The following EFCAB11 variants were observed in gnomAD, a reference collection of about 807,000 sequenced individuals.
The protein encoded by EFCAB11 is EF-hand calcium binding domain 11, also known as EF-hand calcium-binding domain-containing protein 11.
Under a neutral mutation model 23.0 loss-of-function variants are expected in EFCAB11, and 14 were observed. The ratio of observed to expected loss-of-function variants is 0.61; its 90% CI spans 0.40 to 0.95. The LOEUF (loss-of-function observed/expected upper bound fraction) is 0.95, where lower values mean the gene tolerates loss of function less well. EFCAB11 is among the 40% of genes least tolerant of loss of function. The probability of loss-of-function intolerance (pLI) is 0.00; values close to 1 mark genes in which losing one functional copy is unlikely to be tolerated. For missense variants in EFCAB11, 198 were observed against 195.8 expected, an observed-to-expected ratio of 1.01 and a Z score of -0.07; for synonymous variants, 65 against 66.6, an observed-to-expected ratio of 0.98 and a Z score of 0.11.
At chr14:89,844,810 G>C (rs528568652) in intron 5 of EFCAB11, among the ~76,000 whole-genome samples, 1 of 152,306 alleles carries the variant, frequency 6.6e-6, no homozygotes, top group South Asian at 2.1e-4. Flanking sequence ...CTGGGACTTG[G>C]CTTTGGGTAT....
At chr14:89,922,014 T>C (rs551304783) in intron 5 of EFCAB11, among the ~76,000 whole-genome samples, 44 of 152,332 alleles carry the variant, frequency 2.9e-4, no homozygotes, top group African/African-American at 9.9e-4. Flanking sequence ...AATACATTCA[T>C]GATGTGTGGC....
At chr14:89,930,403 C>G (rs1459189932) in intron 5 of EFCAB11, among the ~76,000 whole-genome samples, 1 of 152,214 alleles carries the variant, frequency 6.6e-6, no homozygotes, top group Admixed American at 6.5e-5. Context: ...GTATCAGAAC[C>G]TCTATTCGTG....
intron 5 of EFCAB11, among the ~76,000 whole-genome samples, chr14:89,864,032 C>A (rs558901857): frequency 6.6e-6 from 1 of 152,152 alleles, no homozygotes; most frequent in Non-Finnish European, 1.5e-5. Flanking sequence ...TAAAATTATT[C>A]TAATATAACC....
intron 5 of EFCAB11, among the ~76,000 whole-genome samples, chr14:89,819,068 C>T (rs1886425484): frequency 6.6e-6 from 1 of 152,186 alleles, no homozygotes; most frequent in South Asian, 2.1e-4. Context: ...CAGACTTGCA[C>T]ACCAATGTTC....
At chr14:89,945,917 T>A (rs907591873) in intron 3 of EFCAB11, among the ~76,000 whole-genome samples, 4 of 147,866 alleles carry the variant, frequency 2.7e-5, no homozygotes, top group Non-Finnish European at 4.4e-5. Context: ...AGGGGATTTT[T>A]TTTTTTTATT....
intron 5 of EFCAB11, among the ~76,000 whole-genome samples, chr14:89,812,419 C>G (rs1397894504): frequency 6.6e-6 from 1 of 152,198 alleles, no homozygotes; most frequent in Non-Finnish European, 1.5e-5. Flanking sequence ...CAATTTTCAT[C>G]AAAACCCCAA....
chr14:89,937,284 T>C (rs1890619810), intron 3 of EFCAB11, among the ~76,000 whole-genome samples: 2 of 152,150 alleles, frequency 1.3e-5, no homozygotes, highest in African/African-American at 4.8e-5. Flanking sequence ...GTAGAGGAGA[T>C]GAAGGAAGAA....
intron 2 of EFCAB11, chr14:89,952,616 T>C: frequency 1.0e-6 from 1 of 985,358 alleles, no homozygotes. Context: ...GCAACCTACT[T>C]GGGTCAAGAG....
intron 5 of EFCAB11, among the ~76,000 whole-genome samples, chr14:89,877,913 G>A (rs1888489071): frequency 6.6e-6 from 1 of 152,208 alleles, no homozygotes; most frequent in Admixed American, 6.5e-5. Flanking sequence ...CTGATTGGCA[G>A]AAGCACTGTG....
chr14:89,902,541 T>C (rs1014029953), intron 5 of EFCAB11, among the ~76,000 whole-genome samples: 4 of 152,158 alleles, frequency 2.6e-5, no homozygotes, highest in Non-Finnish European at 4.4e-5. Context: ...GCCAGCCCAA[T>C]TTAAAATCCT....
At chr14:89,937,144 T>C (rs1890615260) in intron 3 of EFCAB11, among the ~76,000 whole-genome samples, 1 of 152,362 alleles carries the variant, frequency 6.6e-6, no homozygotes, top group South Asian at 2.1e-4. Flanking sequence ...TCTGTGTTTA[T>C]TATTAATATG....
At position 89,795,083 on chromosome 14, in the gene EFCAB11, T is replaced by C. The variant is rs1277601650; in HGVS notation, c.*2160A>G. 6.7e-6 allele frequency: 1 copy of C among 149,840 alleles called. No individual in the cohort carries two copies. Among genetic ancestry groups the C allele is most frequent in the Non-Finnish European group, 1.5e-5 (1 of 67,614 alleles). The allele number at this position is 149,840 out of a possible 1,614,324, so 9.3% of individuals were successfully genotyped here. ...AGCTCTGCCTCCCAGGTTCATGCTA[T>C]TCTCCTGCCTCAGCCTCCCGAGCAG... On this transcript the variant is annotated 3_prime_UTR_variant, in exon 6 of 6. Coordinates refer to ENST00000316738, the MANE Select transcript of EFCAB11 (RefSeq NM_145231.4).
chr14:89,904,446 G>A (rs1480002885), intron 5 of EFCAB11, among the ~76,000 whole-genome samples: 1 of 152,182 alleles, frequency 6.6e-6, no homozygotes, highest in Non-Finnish European at 1.5e-5. Flanking sequence ...ACGTGTGCAT[G>A]TGTTTTTATC....
chr14:89,903,773 T>C (rs1889408097), intron 5 of EFCAB11, among the ~76,000 whole-genome samples: 3 of 152,164 alleles, frequency 2.0e-5, no homozygotes, highest in Admixed American at 2.0e-4. Flanking sequence ...GATCACTTCT[T>C]AGAAGTGCAG....
chr14:89,838,549 T>C (rs1180214228), intron 5 of EFCAB11, among the ~76,000 whole-genome samples: 2 of 150,024 alleles, frequency 1.3e-5, no homozygotes, highest in Non-Finnish European at 3.0e-5. Flanking sequence ...GGAGAGAAAA[T>C]ATTTAATGCT....
At chr14:89,885,396 C>A (rs1888722175) in intron 5 of EFCAB11, among the ~76,000 whole-genome samples, 2 of 152,062 alleles carry the variant, frequency 1.3e-5, no homozygotes, top group Admixed American at 1.3e-4. Flanking sequence ...AAAAACCCAG[C>A]CAGCGGGCGT....
At chr14:89,797,367 A>T (rs1885610438) in intron 5 of EFCAB11, 43 bp from the exon 6 acceptor site, 1 of 1,553,214 alleles carries the variant, frequency 6.4e-7, no homozygotes, top group East Asian at 2.3e-5. Flanking sequence ...TATTCTCGTT[A>T]ACACCTATGC....
intron 5 of EFCAB11, among the ~76,000 whole-genome samples, chr14:89,866,441 C>G (rs537346065): frequency 6.6e-6 from 1 of 152,368 alleles, no homozygotes; most frequent in Admixed American, 6.5e-5. Flanking sequence ...GCCCACGAGG[C>G]CTGTGGGACA....
intron 5 of EFCAB11, among the ~76,000 whole-genome samples, chr14:89,828,284 C>G (rs1019690041): frequency 6.6e-6 from 1 of 152,060 alleles, no homozygotes; most frequent in South Asian, 2.1e-4. Context: ...TGACTTTATA[C>G]GTTTTAATTT....
Sources: allele counts gnomAD v4.1 joint callset (sites outside exome capture counted in the v4.1 genomes callset), GRCh38; gene constraint gnomAD v4.1.1; transcripts MANE v1.5; gene names NCBI Gene and HGNC (gene_info 2026-07-23, HGNC 2026-07-21).